AACS: variants seen among roughly 807,000 people sequenced by gnomAD.
AACS encodes the protein acetoacetyl-CoA synthetase.
Under a neutral mutation model 83.1 loss-of-function variants are expected in AACS, and 69 were observed. The observed-to-expected ratio is 0.83, with a 90% CI of 0.68 to 1.01. The LOEUF is 1.01. Among genes scored for constraint, AACS ranks in the 50% least tolerant of loss-of-function variants. The pLI is 0.00. For synonymous variants in AACS, 333 were observed against 343.4 expected (o/e 0.97, Z 0.33); for missense variants, 866 against 882.2 (o/e 0.98, Z 0.23).
intron 7 of AACS, among the ~76,000 whole-genome samples, chr12:125,103,846 G>T (rs1956771395): frequency 6.6e-6 from 1 of 151,808 alleles, no homozygotes; most frequent in Non-Finnish European, 1.5e-5. Flanking sequence ...AAATTAGCCA[G>T]GTGTGGTGGC....
At position 125,109,278 on chromosome 12, in the gene AACS, C is replaced by T. The variant is rs187608976; in HGVS notation, c.915+2010C>T. On this transcript the variant is annotated intron_variant, in intron 8 of 17. Transcript: ENST00000316519. ...TTCCAAGTACCTTGGACTACAGGCA[C>T]GTGCTACTTTTTTGTTTTTGTAGAG... Among the ~76,000 whole-genome samples, 14 of 152,138 alleles carry T rather than the reference C, an allele frequency of 9.2e-5. No homozygotes were observed. The East Asian group carries it at 2.1e-3, about 23-fold the overall frequency.
At chr12:125,133,863 C>T (rs566781805) in intron 14 of AACS, 140 bp from the exon 15 acceptor site, 127 of 787,892 alleles carry the variant, frequency 1.6e-4, no homozygotes, top group African/African-American at 1.5e-3. Context: ...AACTGTCTGG[C>T]TCCCTCTGGC....
intron 14 of AACS, 96 bp from the exon 15 acceptor site, chr12:125,133,907 C>A: frequency 7.9e-7 from 1 of 1,258,126 alleles, no homozygotes; most frequent in Non-Finnish European, 1.1e-6. Context: ...CTCTGGGCCC[C>A]AGTGATGTCT....
chr12:125,095,267 A>G (rs1956582880), intron 5 of AACS, among the ~76,000 whole-genome samples: 1 of 152,216 alleles, frequency 6.6e-6, no homozygotes, highest in Admixed American at 6.5e-5. Flanking sequence ...TGGTCCAGCC[A>G]GGAAAACTTC....
At chr12:125,118,590 G>C in intron 9 of AACS, 51 bp from the exon 10 acceptor site, 1 of 1,603,986 alleles carries the variant, frequency 6.2e-7, no homozygotes, top group South Asian at 1.1e-5. Context: ...GGGCAGCGCT[G>C]GGGGGAGCTG....
chr12:125,086,301 T>C (rs1444561659), intron 3 of AACS, 29 bp from the exon 4 acceptor site: 3 of 1,602,412 alleles, frequency 1.9e-6, no homozygotes, highest in Non-Finnish European at 2.6e-6. Context: ...CGGTGGTCTG[T>C]GTACAATTTA....
chr12:125,093,812 G>A (rs1474906686), intron 5 of AACS, among the ~76,000 whole-genome samples: 1 of 152,232 alleles, frequency 6.6e-6, no homozygotes, highest in Non-Finnish European at 1.5e-5. Flanking sequence ...CCGGAGACGG[G>A]GGTGTGTGTG....
intron 2 of AACS, among the ~76,000 whole-genome samples, chr12:125,075,672 C>T (rs1956005218): frequency 6.7e-6 from 1 of 150,252 alleles, no homozygotes; most frequent in Admixed American, 6.7e-5. Context: ...TGGCTCACTG[C>T]AAGCTCCGCC....
intron 5 of AACS, among the ~76,000 whole-genome samples, chr12:125,099,573 G>A (rs1207311110): frequency 6.6e-6 from 1 of 152,208 alleles, no homozygotes; most frequent in Non-Finnish European, 1.5e-5. Context: ...GGCCACCCAT[G>A]TCCAAGGTCA....
At chr12:125,085,804 G>C (rs920520366) in intron 3 of AACS, among the ~76,000 whole-genome samples, 1 of 151,942 alleles carries the variant, frequency 6.6e-6, no homozygotes, top group Non-Finnish European at 1.5e-5. Flanking sequence ...AAGCATTCCC[G>C]GTAGAAAATC....
In AACS at chr12:125,136,862, C is replaced by T. The variant is rs770034698; in HGVS notation, c.1879C>T (p.Pro627Ser). The T allele has an allele frequency of 1.1e-5, 17 of 1,612,692 alleles. No individual in the cohort carries two copies. The highest frequency in any genetic ancestry group is 8.5e-7 in the Non-Finnish European group (1 of 1,179,964). Residue 627 changes from proline to serine, a missense_variant and splice_region_variant, in exon 17 of 18, where the codon CCG (proline) becomes TCG (serine). Pro to Ser is a moderately conservative substitution (Grantham distance 74). Transcript: ENST00000316519. ...PSLILETKGI[P>S]YTLNGKKVEV... ...CCTCATCCTGGAAACCAAGGGCATC[C>T]CGGTATGGCCATCTCCCGCCAGCGA...
intron 4 of AACS, among the ~76,000 whole-genome samples, chr12:125,089,017 G>T (rs1001792197): frequency 2.0e-5 from 3 of 152,156 alleles, no homozygotes; most frequent in Non-Finnish European, 4.4e-5. Context: ...GGTTCCCAGG[G>T]TTGGCGTCTG....
chr12:125,109,824 G>C (rs1956913426), intron 8 of AACS, among the ~76,000 whole-genome samples: 1 of 152,208 alleles, frequency 6.6e-6, no homozygotes, highest in Non-Finnish European at 1.5e-5. Context: ...TGGTTTGGCA[G>C]AATGGCTCTG....
Position 125,129,295 on chromosome 12 carries a change from G to A in AACS, c.1424-40G>A. 6.3e-7 allele frequency: 1 copy of A among 1,586,364 alleles called. No homozygotes were observed. Among genetic ancestry groups the A allele is most frequent in the Non-Finnish European group, 8.6e-7 (1 of 1,167,618 alleles). On this transcript the variant is annotated intron_variant, in intron 13 of 17. Coordinates refer to ENST00000316519, the MANE Select transcript of AACS (RefSeq NM_023928.5). This position sits in a 1 kb window ranked among gnomAD's most constrained non-coding sequence, Gnocchi z 4.3. ...AGAGAGACAGCCAGGGTGTGTGGCT[G>A]TGGTGTGTGTTGGGCTTATTTTTAA...
intron 13 of AACS, 182 bp downstream of exon 13, chr12:125,128,456 G>A: frequency 6.1e-6 from 3 of 493,042 alleles, no homozygotes; most frequent in Non-Finnish European, 1.1e-5. Context: ...CGGGCTTCTG[G>A]TCCCTAGCCT....
At chr12:125,118,618 C>A in intron 9 of AACS, 23 bp from the exon 10 acceptor site, 2 of 1,613,334 alleles carry the variant, frequency 1.2e-6, no homozygotes, top group South Asian at 1.1e-5. Context: ...CCCGCTGAAG[C>A]CGCATCCCTC....
At chr12:125,126,578 A>C (rs1396349329) in intron 12 of AACS, 1 of 130,662 alleles carries the variant, frequency 7.7e-6, no homozygotes, top group Admixed American at 7.8e-5. Context: ...TCTTTGGGTC[A>C]GTTTTTTTTT....
chr12:125,102,682 G>A lies in AACS; in HGVS notation c.574G>A (p.Val192Met), dbSNP rs915985549. 5.6e-6 allele frequency: 9 copies of A among 1,613,852 alleles called. No individual in the cohort carries two copies. Among genetic ancestry groups the A allele is most frequent in the Admixed American group, 3.3e-5 (2 of 60,004 alleles). The stretch of plus-strand genomic sequence containing the variant: ...GACTTTTTCCTCCTGCTTTCAGGGT[G>A]TGCTGGACCGGTTTTCTCAAATTCA... ...STSPDFGVNG[V>M]LDRFSQIQPK... Residue 192 changes from valine to methionine, a missense_variant, in exon 6 of 18, where the codon GTG (valine) becomes ATG (methionine). Transcript: ENST00000316519.
In AACS at chr12:125,094,254, CTG is replaced by C. The variant is rs1369210637; in HGVS notation, c.570+2734_570+2735del. ...CATCATCACCATGTTAAACTTCAGA[CTG>C]TGCCCCATTTTCAGTAAGGGGCGCT... On this transcript the variant is annotated intron_variant, in intron 5 of 17. Coordinates refer to ENST00000316519, the MANE Select transcript of AACS (RefSeq NM_023928.5). This position sits in a 1 kb window ranked among gnomAD's most constrained non-coding sequence, Gnocchi z 4.1. 6.6e-6 allele frequency among the ~76,000 whole-genome samples: 1 copy of C among 152,214 alleles called. No homozygotes were observed. The highest frequency in any genetic ancestry group is 6.5e-5 in the Admixed American group (1 of 15,278).
Sources: gnomAD v4.1 joint callset for allele counts (sites outside exome capture counted in the v4.1 genomes callset) on GRCh38, gnomAD v4.1.1 for gene constraint, Gnocchi (gnomAD v3.1) non-coding constraint, MANE v1.5 for transcripts, NCBI Gene and HGNC (gene_info 2026-07-23, HGNC 2026-07-21) for gene names.